CLCN1: variants seen among roughly 807,000 people sequenced by gnomAD.
CLCN1 encodes chloride channel protein 1.
In CLCN1, 100 loss-of-function variants were observed where a neutral mutation model predicts 114.5. The ratio of observed to expected loss-of-function variants is 0.87; its 90% CI spans 0.74 to 1.03. The LOEUF (loss-of-function observed/expected upper bound fraction) is 1.03. CLCN1 is among the 50% of genes least tolerant of loss of function. The pLI is 0.00. For synonymous variants in CLCN1, 485 were observed against 487.1 expected, an observed-to-expected ratio of 1.00 and a Z score of 0.06; for missense variants, 1,188 against 1,250.0, an observed-to-expected ratio of 0.95 and a Z score of 0.75.
rs149188892 is a variant in CLCN1, at chr7:143,351,691, G to A, written c.2693G>A (p.Gly898Glu). The change falls in exon 23 of 23, where the codon GGG (glycine) becomes GAG (glutamate). Residue 898 changes from glycine (G) to glutamate (E), a missense_variant. Gly to Glu is a moderately conservative substitution (Grantham distance 98, BLOSUM62 -2). Coordinates refer to ENST00000343257, the MANE Select transcript of CLCN1 (RefSeq NM_000083.3). ...ACGACTTCAACTCGAAAGAGTACCGGGGCACCTCCATCTTCTGCAGAGAAC... is the reference window on the plus strand; with the variant it reads ...ACGACTTCAACTCGAAAGAGTACCGAGGCACCTCCATCTTCTGCAGAGAAC... ...RNTTSTRKST[G>E]APPSSAENWN... The A allele has an allele frequency of 8.7e-6, 14 of 1,614,042 alleles. No homozygotes were observed. In the African/African-American group the frequency reaches 1.7e-4, roughly 20 times the overall value.
rs763016842 is a variant in CLCN1 at position 143,332,790 on chromosome 7, C to G, written c.1318C>G (p.Pro440Ala). The change falls in exon 12 of 23, where the codon CCT (proline) becomes GCT (alanine). Residue 440 changes from proline (P) to alanine (A), a missense_variant. Coordinates refer to ENST00000343257, the MANE Select transcript of CLCN1 (RefSeq NM_000083.3). ...NNTWVKHAGD[P>A]ESLGQSAVWI... ...TACATGGGTGAAACACGCGGGTGAT[C>G]CTGAGAGCCTGGGCCAGTCAGCTGT... is the stretch of plus-strand genomic sequence containing the variant. 3 of 1,614,078 alleles carry G rather than the reference C, an allele frequency of 1.9e-6. No individual in the cohort carries two copies. Among genetic ancestry groups the G allele is most frequent in the South Asian group, 1.1e-5 (1 of 91,072 alleles).
chr7:143,321,927 G>A lies in CLCN1; in HGVS notation c.696+79G>A. The A allele has an allele frequency of 1.3e-6, 2 of 1,519,142 alleles. No homozygotes were observed. The highest frequency in any genetic ancestry group is 1.9e-5 in the Admixed American group (1 of 52,980). The allele number at this position is 1,519,142 out of a possible 1,614,324, so 94.1% of individuals were successfully genotyped here. On this transcript the variant is annotated intron_variant, in intron 5 of 22. Transcript: ENST00000343257. This position sits in a 1 kb window ranked among gnomAD's most constrained non-coding sequence, Gnocchi z 4.2. ...TGGCACCAACTCTAGAGGGAGCTCT[G>A]GGAGTGGAAGTGGATCAGGGGACAG...
intron 12 of CLCN1, among the ~76,000 whole-genome samples, chr7:143,337,373 T>C (rs1217823075): frequency 1.3e-5 from 2 of 152,220 alleles, no homozygotes; most frequent in Non-Finnish European, 2.9e-5. Flanking sequence ...CATTCATTTT[T>C]ATAGTTCTCA....
At chr7:143,333,119 C>T (rs1005821731) in intron 12 of CLCN1, among the ~76,000 whole-genome samples, 4 of 151,908 alleles carry the variant, frequency 2.6e-5, no homozygotes, top group African/African-American at 9.7e-5. Context: ...GCCAACATAG[C>T]GAAACCCCAT....
At position 143,339,343 on chromosome 7, in the gene CLCN1, TG is replaced by T; in HGVS notation, c.1471+25del. ...GCTAGGTAAGTTCTGATGGGAAGCC[TG>T]GGGTCTGACTGAGAGTTGCAATCTA... On this transcript the variant is annotated intron_variant, in intron 13 of 22. Coordinates refer to ENST00000343257, the MANE Select transcript of CLCN1 (RefSeq NM_000083.3). The surrounding 1 kb of genome is among the most constrained non-coding windows in gnomAD (Gnocchi z 4.1). 6.3e-7 allele frequency: 1 copy of T among 1,590,200 alleles called. No homozygotes were observed. Among genetic ancestry groups the T allele is most frequent in the Non-Finnish European group, 8.6e-7 (1 of 1,158,228 alleles).
intron 19 of CLCN1, 87 bp from the exon 20 acceptor site, chr7:143,346,824 G>A (rs1803262378): frequency 2.2e-6 from 3 of 1,363,612 alleles, no homozygotes; most frequent in African/African-American, 1.4e-5. Flanking sequence ...GTCCTGGCCA[G>A]GGAGGGATGG....
intron 1 of CLCN1, among the ~76,000 whole-genome samples, chr7:143,316,934 T>C (rs1046536764): frequency 4.0e-4 from 61 of 152,352 alleles, no homozygotes; most frequent in African/African-American, 1.4e-3. Flanking sequence ...TACAAGCTTT[T>C]AGGTCGCAAG....
intron 16 of CLCN1, among the ~76,000 whole-genome samples, chr7:143,344,329 G>A (rs1361489684): frequency 2.0e-5 from 3 of 152,146 alleles, no homozygotes; most frequent in Non-Finnish European, 4.4e-5. Context: ...TATATACCCA[G>A]AGTGCCTTGT....
intron 12 of CLCN1, among the ~76,000 whole-genome samples, chr7:143,334,677 T>C (rs1802823935): frequency 6.6e-6 from 1 of 152,204 alleles, no homozygotes; most frequent in South Asian, 2.1e-4. Flanking sequence ...AAACACCAGA[T>C]TTCAACTCTG....
chr7:143,340,890 C>A (rs1388210986), intron 14 of CLCN1, among the ~76,000 whole-genome samples: 1 of 152,134 alleles, frequency 6.6e-6, no homozygotes, highest in Admixed American at 6.5e-5. Context: ...CCATAGGATA[C>A]CTCTTCCATA....
chr7:143,335,985 G>A (rs1802874950), intron 12 of CLCN1, among the ~76,000 whole-genome samples: 1 of 152,030 alleles, frequency 6.6e-6, no homozygotes, highest in Non-Finnish European at 1.5e-5. Flanking sequence ...TAATATTAAT[G>A]AAGAGAACTT....
At chr7:143,333,101 C>T (rs1802774150) in intron 12 of CLCN1, among the ~76,000 whole-genome samples, 1 of 152,030 alleles carries the variant, frequency 6.6e-6, no homozygotes, top group African/African-American at 2.4e-5. Flanking sequence ...GAGTTGGAGA[C>T]CAACATAGCC....
chr7:143,345,731 A>C lies in CLCN1; in HGVS notation c.2141A>C (p.Asp714Ala). Residue 714 changes from aspartate to alanine, a missense_variant, in exon 17 of 23, where the codon GAT becomes GCT. Coordinates refer to ENST00000343257, the MANE Select transcript of CLCN1 (RefSeq NM_000083.3). ...GAGTCCTTCGCCTTTGTGGATGAGG[A>C]TGAGGACGAAGACCTCTCTGGCAAG... ...RPESFAFVDE[D>A]EDEDLSGKSE... is the part of the protein sequence containing the mutation. 1 of 1,591,544 alleles carries C rather than the reference A, an allele frequency of 6.3e-7. No homozygotes were observed. The highest frequency in any genetic ancestry group is 8.5e-7 in the Non-Finnish European group (1 of 1,170,002).
rs543195467 is a variant in CLCN1 at position 143,345,618 on chromosome 7, G to A, written c.2028G>A (p.Glu676=). ...AGCGCAGGCTGCGCGCAGCCCAAGAGATGGCGCGGAAGTTGTCGGAGCTGC... is the reference window on the plus strand; with the variant it reads ...AGCGCAGGCTGCGCGCAGCCCAAGAAATGGCGCGGAAGTTGTCGGAGCTGC... The part of the protein sequence containing the change: ...CPERRLRAAQ[E]MARKLSELPY... Residue 676 remains glutamate, a synonymous_variant, in exon 17 of 23, where the codon GAG becomes GAA. Transcript: ENST00000343257. 447 of 1,559,596 alleles carry A rather than the reference G, an allele frequency of 2.9e-4. 2 individuals carry two copies. The highest frequency in any genetic ancestry group is 1.8e-3 in the East Asian group (76 of 41,574).
chr7:143,319,768 A>G lies in CLCN1; in HGVS notation c.194A>G (p.His65Arg), dbSNP rs1802376355. ...NVHPTQIYGH[H>R]KEQFSDREQD... is the part of the protein sequence containing the mutation. ...CTCTCTGTCCAGATTTATGGCCATC[A>G]CAAAGAACAATTCTCAGACAGGGAG... The change falls in exon 2 of 23, where the codon CAC (histidine) becomes CGC (arginine). Residue 65 changes from histidine (H) to arginine (R), a missense_variant. Coordinates refer to ENST00000343257, the MANE Select transcript of CLCN1 (RefSeq NM_000083.3). 1.9e-6 allele frequency: 3 copies of G among 1,613,868 alleles called. No homozygotes were observed. The African/African-American group carries it at 4.0e-5, about 22-fold the overall frequency.
At chr7:143,317,040 A>G (rs1802306347) in intron 1 of CLCN1, among the ~76,000 whole-genome samples, 1 of 152,164 alleles carries the variant, frequency 6.6e-6, no homozygotes, top group Non-Finnish European at 1.5e-5. Flanking sequence ...AGGAGTGTCT[A>G]TGGATGAGCA....
At chr7:143,332,325 G>A (rs372588431) in intron 10 of CLCN1, 94 bp from the exon 11 acceptor site, 11 of 929,134 alleles carry the variant, frequency 1.2e-5, no homozygotes, top group South Asian at 7.8e-5. Context: ...ATGAGACTAC[G>A]GTGGACTAAA....
At chr7:143,317,567 T>A (rs920351359) in intron 1 of CLCN1, among the ~76,000 whole-genome samples, 1 of 151,288 alleles carries the variant, frequency 6.6e-6, no homozygotes, top group Non-Finnish European at 1.5e-5. Context: ...CTTAAAAGGC[T>A]TTTTTTTCTT....
chr7:143,350,715 G>GGATAAGGGGACAGAAGGGGA lies in CLCN1; in HGVS notation c.2595+61_2595+62insGATAAGGGGACAGAAGGGGA. On this transcript the variant is annotated intron_variant, in intron 22 of 22. Transcript: ENST00000343257. The surrounding 1 kb of genome is among the most constrained non-coding windows in gnomAD (Gnocchi z 5.1). ...GAGGCTGGGCATAGGATAAGGGGAT[G>GGATAAGGGGACAGAAGGGGA]CAGTGGGGACAGAAGGAATATTAGC... 8.4e-7 allele frequency: 1 copy of GGATAAGGGGACAGAAGGGGA among 1,188,920 alleles called. No individual in the cohort carries two copies. The allele number at this position is 1,188,920 out of a possible 1,614,324, so 73.6% of individuals were successfully genotyped here. A position where few individuals can be genotyped will look rare whatever the true frequency, so the allele number is the denominator to read the frequency against.
Sources: gnomAD v4.1 joint callset for allele counts (sites outside exome capture counted in the v4.1 genomes callset) on GRCh38, gnomAD v4.1.1 for gene constraint, Gnocchi (gnomAD v3.1) non-coding constraint, MANE v1.5 for transcripts, NCBI Gene and HGNC (gene_info 2026-07-23, HGNC 2026-07-21) for gene names.